RYR1: variants seen among roughly 807,000 people sequenced by gnomAD.
The protein encoded by RYR1 is ryanodine receptor 1.
In RYR1, 342 loss-of-function variants were observed where a neutral mutation model predicts 583.5. That is an observed-to-expected ratio of 0.59 (90% CI 0.54 to 0.64). RYR1 has a LOEUF of 0.64. Ranked by LOEUF, RYR1 falls within the 30% of genes least tolerant of loss-of-function variation. The pLI is 0.00. For synonymous variants in RYR1, 2,791 were observed against 2,822.5 expected (o/e 0.99, Z 0.35); for missense variants, 6,032 against 6,917.2 (o/e 0.87, Z 4.54).
At position 38,543,293 on chromosome 19, in the gene RYR1, T is replaced by A; in HGVS notation, c.11690-54T>A. 6.8e-7 allele frequency: 1 copy of A among 1,473,852 alleles called. No homozygotes were observed. The highest frequency in any genetic ancestry group is 9.5e-7 in the Non-Finnish European group (1 of 1,052,010). 91.3% of individuals were successfully genotyped at this position (1,473,852 alleles called of 1,614,324 possible). Reference sequence around the variant, plus strand: ...CATAAATGAATAAATGACCCACTGTTCATCTCCCCTAGCACATGGGAGGTG... The same window carrying A: ...CATAAATGAATAAATGACCCACTGTACATCTCCCCTAGCACATGGGAGGTG... On this transcript the variant is annotated intron_variant, in intron 84 of 105. Coordinates refer to ENST00000359596, the MANE Select transcript of RYR1 (RefSeq NM_000540.3). The surrounding 1 kb of genome is among the most constrained non-coding windows in gnomAD (Gnocchi z 4.4).
rs376983550 is a variant in RYR1, at chr19:38,532,558, C to G, written c.11193+17C>G. 2.6e-5 allele frequency: 42 copies of G among 1,614,020 alleles called. No homozygotes were observed. The highest frequency in any genetic ancestry group is 3.2e-5 in the Non-Finnish European group (38 of 1,179,988). On this transcript the variant is annotated intron_variant, in intron 77 of 105. Transcript: ENST00000359596. ...ATGGCAAAGGTGAGGCCCTACCCCC[C>G]TCTTCTGGGGCAGATTTCCCTCTCC...
In RYR1 at chr19:38,519,460, C is replaced by T. The variant is rs754022028; in HGVS notation, c.10259+6C>T. On this transcript the variant is annotated splice_donor_region_variant and intron_variant, in intron 67 of 105. Transcript: ENST00000359596. ...CGCTACGTGGACAACAACAGGTCAG[C>T]GGGGCCCCGCTGTCCCCATGCCCTC... is the stretch of plus-strand genomic sequence containing the variant. 115 of 1,587,472 alleles carry T rather than the reference C, an allele frequency of 7.2e-5. No individual in the cohort carries two copies. The highest frequency in any genetic ancestry group is 9.0e-5 in the Non-Finnish European group (105 of 1,168,224).
At chr19:38,554,713 T>A (rs1972809015) in intron 89 of RYR1, among the ~76,000 whole-genome samples, 1 of 152,028 alleles carries the variant, frequency 6.6e-6, no homozygotes, top group Non-Finnish European at 1.5e-5. Context: ...GTTTAAGGGA[T>A]CCTCCTGCCT....
chr19:38,496,504 C>T lies in RYR1; in HGVS notation c.6759C>T (p.His2253=), dbSNP rs756155393. ...AGAACCAGCGCTCCATGTTTGACCACCTGAGCTACCTGCTGGAGAACAGTG... is the reference window on the plus strand; with the variant it reads ...AGAACCAGCGCTCCATGTTTGACCATCTGAGCTACCTGCTGGAGAACAGTG... ...SRQNQRSMFD[H]LSYLLENSGI... is the part of the protein sequence containing the mutation. The change falls in exon 41 of 106, where the codon CAC becomes CAT. Residue 2253 remains histidine, a synonymous_variant. Coordinates refer to ENST00000359596, the MANE Select transcript of RYR1 (RefSeq NM_000540.3). The surrounding 1 kb of genome is among the most constrained non-coding windows in gnomAD (Gnocchi z 4.8). 3 of 1,613,618 alleles carry T rather than the reference C, an allele frequency of 1.9e-6. No individual in the cohort carries two copies. The highest frequency in any genetic ancestry group is 2.2e-5 in the East Asian group (1 of 44,882).
chr19:38,448,511 G>A lies in RYR1; in HGVS notation c.957G>A (p.Lys319=), dbSNP rs756843512. The A allele has an allele frequency of 1.2e-6, 2 of 1,614,006 alleles. No homozygotes were observed. Among genetic ancestry groups the A allele is most frequent in the Middle Eastern group, 1.6e-4 (1 of 6,084 alleles). The change falls in exon 10 of 106, where the codon AAG becomes AAA. Residue 319 remains lysine (K), a splice_region_variant and synonymous_variant. Transcript: ENST00000359596. The stretch of plus-strand genomic sequence containing the variant: ...CCTCCTTCTGCTTCCGCATCTCCAA[G>A]GTCAGTGGGGTTTGTGGCGCCCTCC... ...KATSFCFRIS[K]EKLDVAPKRD... is the part of the protein sequence containing the mutation.
Position 38,561,398 on chromosome 19 carries a change from G to C in RYR1, c.12568G>C (p.Glu4190Gln). The C allele has an allele frequency of 6.2e-7, 1 of 1,613,050 alleles. No homozygotes were observed. The highest frequency in any genetic ancestry group is 8.5e-7 in the Non-Finnish European group (1 of 1,180,000). ...GATCATGGGCGCGTCACGCCGCATC[G>C]AGCGCATCTACTTCGAGATCTCAGA... ...IEIMGASRRIERIYFEISETN... is the reference protein window; with the variant it reads ...IEIMGASRRIQRIYFEISETN... The change falls in exon 90 of 106, where the codon GAG becomes CAG. Residue 4190 changes from glutamate to glutamine, a missense_variant. Glu to Gln is a conservative substitution (Grantham distance 29). Around this residue, in one of 11 missense-constraint regions of RYR1, gnomAD observed 753 missense variants for 759.6 expected, o/e 0.99. Coordinates refer to ENST00000359596, the MANE Select transcript of RYR1 (RefSeq NM_000540.3). The surrounding 1 kb of genome is among the most constrained non-coding windows in gnomAD (Gnocchi z 4.8).
chr19:38,498,422 G>A (rs931588141), intron 42 of RYR1, among the ~76,000 whole-genome samples: 1 of 152,138 alleles, frequency 6.6e-6, no homozygotes, highest in Non-Finnish European at 1.5e-5. Flanking sequence ...GGACAGAACC[G>A]CTACAGGAAA....
At chr19:38,490,309 T>C (rs910464005) in intron 36 of RYR1, 33 bp downstream of exon 36, 2 of 1,594,262 alleles carry the variant, frequency 1.3e-6, no homozygotes, top group Non-Finnish European at 1.7e-6. Context: ...CCACTTTTAC[T>C]GTCTAAACCC....
At chr19:38,528,526 G>C (rs981259525) in intron 74 of RYR1, 73 bp from the exon 75 acceptor site, 1 of 1,594,296 alleles carries the variant, frequency 6.3e-7, no homozygotes, top group African/African-American at 1.3e-5. Flanking sequence ...GTGGTTGGGG[G>C]CTGCAGGCGC....
At position 38,458,194 on chromosome 19, in the gene RYR1, G is replaced by A; in HGVS notation, c.2069G>A (p.Gly690Asp). Residue 690 changes from glycine (G) to aspartate (D), a missense_variant, in exon 18 of 106, where the codon GGC becomes GAC. Around this residue, in one of 11 missense-constraint regions of RYR1, gnomAD observed 2,627 missense variants for 2,961.3 expected, o/e 0.89. Coordinates refer to ENST00000359596, the MANE Select transcript of RYR1 (RefSeq NM_000540.3). ...CGGGTGGGCTGGGCCCTCACCGAGGGCTACACCCCCTACCCTGGGGCCGGC... is the reference window on the plus strand; with the variant it reads ...CGGGTGGGCTGGGCCCTCACCGAGGACTACACCCCCTACCCTGGGGCCGGC... ...HLRVGWALTE[G>D]YTPYPGAGEG... is the part of the protein sequence containing the mutation. 1 of 1,612,068 alleles carries A rather than the reference G, an allele frequency of 6.2e-7. No homozygotes were observed. The highest frequency in any genetic ancestry group is 8.5e-7 in the Non-Finnish European group (1 of 1,179,298).
At chr19:38,522,975 C>A (rs1971285845) in intron 67 of RYR1, 53 bp from the exon 68 acceptor site, 4 of 1,424,662 alleles carry the variant, frequency 2.8e-6, no homozygotes, top group Non-Finnish European at 3.9e-6. Flanking sequence ...TCTGGGCAGC[C>A]CCCTTCCCTG....
intron 89 of RYR1, among the ~76,000 whole-genome samples, chr19:38,556,716 C>T (rs1184831710): frequency 6.6e-6 from 1 of 152,000 alleles, no homozygotes; most frequent in African/African-American, 2.4e-5. Context: ...ATGATTAGCT[C>T]GACATTTTTC....
chr19:38,547,035 CTTTT>C (rs34666293), intron 88 of RYR1, among the ~76,000 whole-genome samples: 1 of 138,918 alleles, frequency 7.2e-6, no homozygotes, highest in African/African-American at 2.6e-5. Flanking sequence ...ATTAGGATCC[CTTTT>C]TTTTTTTTTT....
chr19:38,534,953 C>T (rs151114563), intron 79 of RYR1, 134 bp downstream of exon 79: 2 of 1,121,284 alleles, frequency 1.8e-6, no homozygotes. Flanking sequence ...CCAGCCCTTG[C>T]AGCTTCCCCT....
intron 29 of RYR1, 134 bp downstream of exon 29, chr19:38,475,584 CAT>C (rs1354027158): frequency 1.4e-5 from 15 of 1,111,086 alleles, no homozygotes; most frequent in Non-Finnish European, 1.1e-5. Flanking sequence ...ACTAGAAACT[CAT>C]AAAATATGGC....
chr19:38,486,858 C>T (rs1969323858), intron 34 of RYR1, among the ~76,000 whole-genome samples: 1 of 152,296 alleles, frequency 6.6e-6, no homozygotes, highest in Non-Finnish European at 1.5e-5. Flanking sequence ...TATAGATCAT[C>T]TTTCCATCAA....
rs768182972 is a variant in RYR1, at chr19:38,548,307, A to T, written c.12169A>T (p.Ile4057Phe). The T allele has an allele frequency of 6.2e-7, 1 of 1,614,080 alleles. No individual in the cohort carries two copies. The highest frequency in any genetic ancestry group is 1.3e-5 in the African/African-American group (1 of 74,932). The stretch of plus-strand genomic sequence containing the variant: ...GGAATCCTCATCCAATGTGGAGATG[A>T]TCCTCAAGTTCTTCGACATGTTCCT... ...LVESSSNVEMILKFFDMFLKL... is the reference protein window; with the variant it reads ...LVESSSNVEMFLKFFDMFLKL... The change falls in exon 89 of 106, where the codon ATC becomes TTC. Residue 4057 changes from isoleucine to phenylalanine, a missense_variant. Physicochemically the swap from Ile to Phe is conservative, Grantham distance 21. Around this residue, in one of 11 missense-constraint regions of RYR1, gnomAD observed 753 missense variants for 759.6 expected, o/e 0.99. Transcript: ENST00000359596.
Position 38,502,686 on chromosome 19 carries a change from G to T in RYR1, c.7794G>T (p.Ala2598=), listed in dbSNP as rs576856474. The change falls in exon 48 of 106, where the codon GCG becomes GCT. Residue 2598 remains alanine (A), a synonymous_variant. Coordinates refer to ENST00000359596, the MANE Select transcript of RYR1 (RefSeq NM_000540.3). ...CTCGGGGTCGTTCGCTCACCAAGGC[G>T]CAGCGTGACGTCATCGAGGACTGCC... is the stretch of plus-strand genomic sequence containing the variant. The part of the protein sequence containing the change: ...RLSRGRSLTK[A]QRDVIEDCLM... The T allele has an allele frequency of 5.6e-6, 9 of 1,607,996 alleles. No individual in the cohort carries two copies. Among genetic ancestry groups the T allele is most frequent in the Non-Finnish European group, 7.6e-6 (9 of 1,179,432 alleles).
chr19:38,569,763 G>C (rs1973628678), intron 93 of RYR1, among the ~76,000 whole-genome samples: 1 of 152,144 alleles, frequency 6.6e-6, no homozygotes, highest in South Asian at 2.1e-4. Context: ...CATCTGTAAA[G>C]TGCGCATAAC....
Sources: allele counts gnomAD v4.1 joint callset (sites outside exome capture counted in the v4.1 genomes callset), GRCh38; gene constraint gnomAD v4.1.1; regional missense constraint gnomAD v4.1.1; non-coding constraint Gnocchi (gnomAD v3.1); transcripts MANE v1.5; gene names NCBI Gene and HGNC (gene_info 2026-07-23, HGNC 2026-07-21).